BCL6: variants seen among roughly 807,000 people sequenced by gnomAD.
BCL6 encodes the protein B-cell lymphoma 6 protein.
BCL6 carries 7 observed loss-of-function variants against 59.5 expected under a neutral mutation model. The ratio of observed to expected loss-of-function variants is 0.12; its 90% CI spans 0.07 to 0.22. The LOEUF (loss-of-function observed/expected upper bound fraction) is 0.22, where lower values mean the gene tolerates loss of function less well. Ranked by LOEUF, BCL6 falls within the 10% of genes least tolerant of loss-of-function variation. The pLI, the probability that BCL6 is intolerant of heterozygous loss-of-function variation, is 1.00. For synonymous variants in BCL6, 339 were observed against 349.7 expected, an observed-to-expected ratio of 0.97 and a Z score of 0.34; for missense variants, 685 against 939.4, an observed-to-expected ratio of 0.73 and a Z score of 3.54.
rs779271810 is a variant in BCL6 at position 187,722,608 on chromosome 3, G to T, written c.1978-7C>A. The T allele has an allele frequency of 6.2e-7, 1 of 1,610,850 alleles. No homozygotes were observed. Among genetic ancestry groups the T allele is most frequent in the African/African-American group, 1.3e-5 (1 of 74,894 alleles). On this transcript the variant is annotated splice_region_variant and splice_polypyrimidine_tract_variant and intron_variant, in intron 9 of 9. Coordinates refer to ENST00000406870, the MANE Select transcript of BCL6 (RefSeq NM_001706.5). ...GCAGGTTACACTTCTCACACTGCAG[G>T]GATATCAGAGGCAAACTGTTAGCTG...
chr3:187,733,372 T>C (rs1439629777), intron 3 of BCL6, among the ~76,000 whole-genome samples, 161 bp downstream of exon 3: 1 of 151,872 alleles, frequency 6.6e-6, no homozygotes, highest in Non-Finnish European at 1.5e-5. Flanking sequence ...ATTCATTCAT[T>C]CACTTGGGAG....
At chr3:187,734,654 T>G (rs1473609689) in intron 2 of BCL6, 1 of 152,400 alleles carries the variant, frequency 6.6e-6, no homozygotes, top group Non-Finnish European at 1.5e-5. Context: ...CTAAATTAGT[T>G]TGTACAAAGA....
At chr3:187,722,736 CCCATATGCAT>C (rs1244338477) in intron 9 of BCL6, 135 bp from the exon 10 acceptor site, 5 of 1,101,456 alleles carry the variant, frequency 4.5e-6, no homozygotes, top group Non-Finnish European at 2.6e-6. Context: ...AGGTGAAGAA[CCCATATGCAT>C]CCGGGCTTCT....
At chr3:187,739,067 T>C (rs540611572) in intron 1 of BCL6, among the ~76,000 whole-genome samples, 26 of 152,224 alleles carry the variant, frequency 1.7e-4, no homozygotes, top group Admixed American at 5.2e-4. Flanking sequence ...CCCATTGACC[T>C]AGTTTGGCCA....
intron 4 of BCL6, among the ~76,000 whole-genome samples, chr3:187,730,771 G>C (rs1370947966): frequency 6.6e-6 from 1 of 152,200 alleles, no homozygotes; most frequent in Non-Finnish European, 1.5e-5. Flanking sequence ...AACTCTAGCT[G>C]TATATACCTG....
intron 1 of BCL6, chr3:187,737,962 C>G (rs1719369004): frequency 6.6e-6 from 1 of 151,970 alleles, no homozygotes; most frequent in South Asian, 2.1e-4. Context: ...CTGCGCTGCG[C>G]TGGCCGCCGG....
chr3:187,741,609 A>T (rs1463169672), intron 1 of BCL6, among the ~76,000 whole-genome samples: 1 of 152,158 alleles, frequency 6.6e-6, no homozygotes, highest in Non-Finnish European at 1.5e-5. Flanking sequence ...GAAACCAGCC[A>T]GTTCTGCCAC....
chr3:187,731,628 C>T, intron 4 of BCL6, 81 bp downstream of exon 4: 3 of 1,367,706 alleles, frequency 2.2e-6, no homozygotes, highest in Non-Finnish European at 2.1e-6. Flanking sequence ...AGTATTTTTT[C>T]TGTATGCATG....
rs746514494 is a variant in BCL6 at position 187,729,993 on chromosome 3, G to A, written c.412C>T (p.Pro138Ser). The A allele has an allele frequency of 6.3e-7, 1 of 1,578,406 alleles. No individual in the cohort carries two copies. The highest frequency in any genetic ancestry group is 1.2e-5 in the South Asian group (1 of 86,184). The stretch of plus-strand genomic sequence containing the variant: ...CTGTTGAGGAACTCTTCACGAGGAG[G>A]CTTGATGGCAGAAACCATCTCTGCT... ...SEAEMVSAIK[P>S]PREEFLNSRM... The change falls in exon 5 of 10, where the codon CCT (proline) becomes TCT (serine). Residue 138 changes from proline (P) to serine (S), a missense_variant. By Grantham distance (74) the Pro-to-Ser change is moderately conservative (BLOSUM62 -1). Around this residue, in one of 7 missense-constraint regions of BCL6, gnomAD observed 268 missense variants for 263.8 expected, o/e 1.02. Transcript: ENST00000406870. The surrounding 1 kb of genome is among the most constrained non-coding windows in gnomAD (Gnocchi z 5.6).
chr3:187,733,707 G>A lies in BCL6; in HGVS notation c.-10-4C>T. The A allele has an allele frequency of 2.5e-6, 4 of 1,613,780 alleles. No homozygotes were observed. Among genetic ancestry groups the A allele is most frequent in the Non-Finnish European group, 3.4e-6 (4 of 1,179,802 alleles). On this transcript the variant is annotated splice_polypyrimidine_tract_variant and splice_region_variant and intron_variant, in intron 2 of 9. Coordinates refer to ENST00000406870, the MANE Select transcript of BCL6 (RefSeq NM_001706.5). ...CGGCGAGGCCATTTTGTCTTCACTTGAAAAAAGAGGCCAAAATCCTGTTAG... is the reference window on the plus strand; with the variant it reads ...CGGCGAGGCCATTTTGTCTTCACTTAAAAAAAGAGGCCAAAATCCTGTTAG...
intron 2 of BCL6, 34 bp from the exon 3 acceptor site, chr3:187,733,737 C>T (rs1348003559): frequency 6.2e-7 from 1 of 1,608,164 alleles, no homozygotes; most frequent in East Asian, 2.2e-5. Context: ...TGTTAGTCCT[C>T]CAGAACCTGT....
intron 1 of BCL6, among the ~76,000 whole-genome samples, chr3:187,744,134 A>T (rs1711751827): frequency 6.6e-6 from 1 of 152,168 alleles, no homozygotes; most frequent in Admixed American, 6.5e-5. Context: ...GGAAAAAATA[A>T]AATAAAATTT....
At chr3:187,744,950 A>G (rs1711847531) in intron 1 of BCL6, among the ~76,000 whole-genome samples, 1 of 152,238 alleles carries the variant, frequency 6.6e-6, no homozygotes, top group African/African-American at 2.4e-5. Context: ...CTGGGGCCAG[A>G]CAGCCCCCAG....
rs1427622857 is a variant in BCL6, at chr3:187,731,699, A to G, written c.383+10T>C. 6.2e-7 allele frequency: 1 copy of G among 1,613,104 alleles called. No homozygotes were observed. The highest frequency in any genetic ancestry group is 8.5e-7 in the Non-Finnish European group (1 of 1,179,632). ...CCATCTCCGACGCTTCCACCCGGGT[A>G]GCAACTCACCTGGCCTTAATAAACT... On this transcript the variant is annotated intron_variant, in intron 4 of 9. Coordinates refer to ENST00000406870, the MANE Select transcript of BCL6 (RefSeq NM_001706.5).
chr3:187,743,466 C>T (rs1711695256), intron 1 of BCL6, among the ~76,000 whole-genome samples: 1 of 152,014 alleles, frequency 6.6e-6, no homozygotes, highest in Non-Finnish European at 1.5e-5. Context: ...ACCCCCCACC[C>T]CCAAACCCCA....
chr3:187,743,407 G>A (rs1279268256), intron 1 of BCL6, among the ~76,000 whole-genome samples: 1 of 152,006 alleles, frequency 6.6e-6, no homozygotes, highest in Non-Finnish European at 1.5e-5. Flanking sequence ...GTGACAGCTT[G>A]GGACTTTCAG....
Position 187,726,882 on chromosome 3 carries a change from G to T in BCL6, c.1557C>A (p.Phe519Leu). 6.2e-7 allele frequency: 1 copy of T among 1,614,190 alleles called. No individual in the cohort carries two copies. The highest frequency in any genetic ancestry group is 1.1e-5 in the South Asian group (1 of 91,090). ...SDSSCENGAF[F>L]CNECDCRFSE... Reference sequence around the variant, plus strand: ...AGAAGCGGCAGTCACACTCATTGCAGAAGAAGGCCCCGTTCTCTGTTGGAG... The same window carrying T: ...AGAAGCGGCAGTCACACTCATTGCATAAGAAGGCCCCGTTCTCTGTTGGAG... Residue 519 changes from phenylalanine to leucine, a missense_variant, in exon 7 of 10, where the codon TTC becomes TTA. Phe to Leu is a conservative substitution (Grantham distance 22). This residue lies in a region of BCL6 where 207 missense variants were observed against 213.7 expected (regional missense o/e 0.97). Transcript: ENST00000406870.
In BCL6 at chr3:187,725,444, TCGCC is replaced by T; in HGVS notation, c.1839+51_1839+54del. On this transcript the variant is annotated intron_variant, in intron 8 of 9. Coordinates refer to ENST00000406870, the MANE Select transcript of BCL6 (RefSeq NM_001706.5). The surrounding 1 kb of genome is among the most constrained non-coding windows in gnomAD (Gnocchi z 4.7). ...TCCGCTTGCCTGCCCACTCCTCCGC[TCGCC>T]TGCCCGCTCCGCTCGCCTGCCCGCT... 3.2e-6 allele frequency: 5 copies of T among 1,546,046 alleles called. No individual in the cohort carries two copies. The highest frequency in any genetic ancestry group is 1.9e-5 in the African/African-American group (1 of 53,906).
intron 1 of BCL6, chr3:187,737,347 C>CAGAGAG (rs67618905): frequency 0.011 from 774 of 68,388 alleles, 7 homozygotes; most frequent in Middle Eastern, 0.024. Context: ...GCAGAAACGA[C>CAGAGAG]AGAGAGAGAG....
Sources: gnomAD v4.1 joint callset for allele counts (sites outside exome capture counted in the v4.1 genomes callset) on GRCh38, gnomAD v4.1.1 for gene constraint, gnomAD v4.1.1 regional missense constraint, Gnocchi (gnomAD v3.1) non-coding constraint, MANE v1.5 for transcripts, NCBI Gene and HGNC (gene_info 2026-07-23, HGNC 2026-07-21) for gene names.